The following AGBL1 variants were observed in gnomAD, a reference collection of about 807,000 sequenced individuals.
The protein encoded by AGBL1 is cytosolic carboxypeptidase 4.
In AGBL1, 130 loss-of-function variants were observed where a neutral mutation model predicts 118.9. The observed-to-expected ratio is 1.09, with a 90% CI of 0.95 to 1.26. The LOEUF (loss-of-function observed/expected upper bound fraction) is 1.26. Among genes scored for constraint, AGBL1 ranks in the 50% most tolerant of loss-of-function variants. The pLI is 0.00. For synonymous variants in AGBL1, 555 were observed against 478.9 expected, an observed-to-expected ratio of 1.16 and a Z score of -2.08; for missense variants, 1,584 against 1,298.1, an observed-to-expected ratio of 1.22 and a Z score of -3.38.
intron 5 of AGBL1, among the ~76,000 whole-genome samples, chr15:86,159,386 A>G (rs2077235866): frequency 6.6e-6 from 1 of 152,138 alleles, no homozygotes; most frequent in African/African-American, 2.4e-5. Flanking sequence ...GCCCTCAGGT[A>G]TATACTTTTT....
At position 86,928,287 on chromosome 15, in the gene AGBL1, A is replaced by G. The variant is rs116421643; in HGVS notation, c.3222-59700A>G. 5.6e-3 allele frequency among the ~76,000 whole-genome samples: 848 copies of G among 152,266 alleles called. 6 individuals are homozygous for G. Among genetic ancestry groups the G allele is most frequent in the African/African-American group, 0.02 (826 of 41,542 alleles). ...GGCAGAGGAACAGAATGGACCAACC[A>G]GGGCATAGGCACAGAGAGAAGCAAA... On this transcript the variant is annotated intron_variant, in intron 23 of 24. Coordinates refer to the AGBL1 transcript ENST00000441037.
intron 5 of AGBL1, among the ~76,000 whole-genome samples, chr15:86,174,047 G>T (rs1233822212): frequency 2.6e-5 from 4 of 151,796 alleles, no homozygotes; most frequent in Non-Finnish European, 5.9e-5. Context: ...ATAGTCTCAA[G>T]ATTAATTTTA....
intron 17 of AGBL1, among the ~76,000 whole-genome samples, chr15:86,329,296 A>G (rs2080235382): frequency 6.6e-6 from 1 of 150,856 alleles, no homozygotes; most frequent in Non-Finnish European, 1.5e-5. Context: ...CCCCACCCTC[A>G]TGGACATAGA....
chr15:86,817,265 C>T (rs996107969), intron 22 of AGBL1, among the ~76,000 whole-genome samples: 17 of 145,046 alleles, frequency 1.2e-4, no homozygotes, highest in Non-Finnish European at 2.2e-4. Context: ...GTACTCTAGC[C>T]TGGGATACAA....
At chr15:86,143,963 G>C in intron 3 of AGBL1, 118 bp downstream of exon 3, 2 of 1,290,252 alleles carry the variant, frequency 1.6e-6, no homozygotes, top group Non-Finnish European at 2.1e-6. Context: ...GGGAGGTTCT[G>C]GACAACTTGA....
chr15:86,976,700 C>T (rs1449519194), intron 23 of AGBL1, among the ~76,000 whole-genome samples: 3 of 151,876 alleles, frequency 2.0e-5, no homozygotes, highest in African/African-American at 4.8e-5. Context: ...CTTTTAAACT[C>T]TTCAAAGTTG....
chr15:86,337,966 G>C (rs2080400488), intron 17 of AGBL1, among the ~76,000 whole-genome samples: 1 of 152,200 alleles, frequency 6.6e-6, no homozygotes, highest in African/African-American at 2.4e-5. Context: ...GTATATGCCA[G>C]ACACTTCTAG....
At chr15:86,952,243 A>G (rs550030067) in intron 23 of AGBL1, among the ~76,000 whole-genome samples, 1 of 151,620 alleles carries the variant, frequency 6.6e-6, no homozygotes. Context: ...AAAAAAAAAA[A>G]TTTTTTTGTC....
At chr15:86,357,038 C>T (rs528899112) in intron 17 of AGBL1, among the ~76,000 whole-genome samples, 3 of 152,256 alleles carry the variant, frequency 2.0e-5, no homozygotes, top group Admixed American at 6.5e-5. Flanking sequence ...GCACTACCAG[C>T]GTAGAGCTTA....
At chr15:86,945,290 T>C (rs919704787) in intron 23 of AGBL1, among the ~76,000 whole-genome samples, 19 of 145,602 alleles carry the variant, frequency 1.3e-4, no homozygotes, top group African/African-American at 2.3e-4. Context: ...ATATTTGATA[T>C]CATGAAAAGA....
intron 20 of AGBL1, among the ~76,000 whole-genome samples, chr15:86,548,402 G>C (rs1356683987): frequency 6.6e-6 from 1 of 152,124 alleles, no homozygotes; most frequent in African/African-American, 2.4e-5. Context: ...TTGGTATAAA[G>C]AGGTCAGTGA....
chr15:86,667,494 T>C (rs982542218), intron 21 of AGBL1, among the ~76,000 whole-genome samples: 27 of 152,290 alleles, frequency 1.8e-4, no homozygotes, highest in Admixed American at 7.9e-4. Flanking sequence ...ATTATTTATA[T>C]CTTGCTCCAC....
At chr15:86,482,654 G>T (rs768808538) in intron 18 of AGBL1, among the ~76,000 whole-genome samples, 5 of 152,092 alleles carry the variant, frequency 3.3e-5, no homozygotes, top group Non-Finnish European at 7.4e-5. Flanking sequence ...AACATGAGGA[G>T]AGGAAACAAA....
chr15:86,223,579 A>G (rs16949589), intron 5 of AGBL1, among the ~76,000 whole-genome samples: 1,926 of 152,296 alleles, frequency 0.013, 29 homozygotes, highest in East Asian at 0.071. Context: ...CTGAAAGTTG[A>G]TAAGAGGAAA....
intron 22 of AGBL1, among the ~76,000 whole-genome samples, chr15:86,743,447 C>A (rs1175095475): frequency 3.3e-5 from 5 of 151,916 alleles, no homozygotes; most frequent in African/African-American, 1.2e-4. Flanking sequence ...GCTGTTTTTC[C>A]CCTCTTAGTA....
At chr15:86,917,296 T>C (rs1040937794), downstream of AGBL1, among the ~76,000 whole-genome samples, 2 of 152,222 alleles carry the variant, frequency 1.3e-5, no homozygotes, top group South Asian at 2.1e-4. This position sits in a 1 kb window ranked among gnomAD's most constrained non-coding sequence, Gnocchi z 4.8. Context: ...CTCCTGTCCC[T>C]GGCCTCTGCC....
intron 24 of AGBL1, among the ~76,000 whole-genome samples, chr15:87,017,884 A>G (rs1420403236): frequency 6.6e-6 from 1 of 152,148 alleles, no homozygotes; most frequent in Non-Finnish European, 1.5e-5. Context: ...CCCAATGCAG[A>G]GAAGCTATAA....
Position 86,264,691 on chromosome 15 carries a change from CT to C in AGBL1, c.1523del (p.Phe508SerfsTer22). 6.2e-7 allele frequency: 1 copy of C among 1,614,014 alleles called. No homozygotes were observed. The highest frequency in any genetic ancestry group is 2.2e-5 in the East Asian group (1 of 44,880). ...KLLQTHLKRV[P>X]FHDPYLYMAK... ...CTGCAGACACATCTGAAGCGTGTCC[CT>C]TTCCACGATCCCTATCTTTATATGG... On this transcript the variant is annotated frameshift_variant, in exon 11 of 23. Coordinates refer to ENST00000614907, the MANE Select transcript of AGBL1 (RefSeq NM_001386094.1). LOFTEE classifies it high-confidence loss of function.
Position 86,226,499 on chromosome 15 carries a change from C to T in AGBL1, c.526+1548C>T, listed in dbSNP as rs1311927544. Among the ~76,000 whole-genome samples, 4 of 152,290 alleles carry T rather than the reference C, an allele frequency of 2.6e-5. No homozygotes were observed. In the East Asian group the frequency reaches 7.7e-4, roughly 29 times the overall value. Reference sequence around the variant, plus strand: ...CTTTCTACATACACACTTTCCTTAGCTCTTGAGCTTACGGTTGAGCATCCT... The same window carrying T: ...CTTTCTACATACACACTTTCCTTAGTTCTTGAGCTTACGGTTGAGCATCCT... On this transcript the variant is annotated intron_variant, in intron 6 of 22. Coordinates refer to ENST00000614907, the MANE Select transcript of AGBL1 (RefSeq NM_001386094.1).
Sources: gnomAD v4.1 joint callset for allele counts (sites outside exome capture counted in the v4.1 genomes callset) on GRCh38, gnomAD v4.1.1 for gene constraint, Gnocchi (gnomAD v3.1) non-coding constraint, MANE v1.5 for transcripts, NCBI Gene and HGNC (gene_info 2026-07-23, HGNC 2026-07-21) for gene names.